ANKRD30B: variants seen among roughly 807,000 people sequenced by gnomAD.
ANKRD30B encodes ankyrin repeat domain 30B.
ANKRD30B carries 144 observed loss-of-function variants against 202.2 expected under a neutral mutation model. The observed-to-expected ratio is 0.71, with a 90% CI of 0.62 to 0.82. The LOEUF (loss-of-function observed/expected upper bound fraction) is 0.82, where lower values mean the gene tolerates loss of function less well. Among genes scored for constraint, ANKRD30B ranks in the 40% least tolerant of loss-of-function variants. The pLI is 0.00. For synonymous variants in ANKRD30B, 508 were observed against 561.3 expected, an observed-to-expected ratio of 0.91 and a Z score of 1.34; for missense variants, 1,487 against 1,669.1, an observed-to-expected ratio of 0.89 and a Z score of 1.90.
At chr18:14,922,064 G>A in the ANKRD30B span, among the ~76,000 whole-genome samples, 1 of 152,210 alleles carries the variant, frequency 6.6e-6, no homozygotes, top group Non-Finnish European at 1.5e-5. Context: ...AGGCATTGAA[G>A]AGGGTAGGAA....
At chr18:14,905,203 G>A in the ANKRD30B span, among the ~76,000 whole-genome samples, 1 of 152,146 alleles carries the variant, frequency 6.6e-6, no homozygotes, top group East Asian at 1.9e-4. Flanking sequence ...ACAAAAATGG[G>A]CAAACAGCAG....
chr18:14,880,753 T>G, the ANKRD30B span, among the ~76,000 whole-genome samples: 8 of 152,036 alleles, frequency 5.3e-5, no homozygotes, highest in Non-Finnish European at 1.0e-4. Flanking sequence ...TCTTTCAGCA[T>G]TGTTTTGTAA....
At chr18:14,793,049 A>T (rs926334790) in intron 16 of ANKRD30B, among the ~76,000 whole-genome samples, 2 of 152,150 alleles carry the variant, frequency 1.3e-5, no homozygotes, top group African/African-American at 4.8e-5. Context: ...ATTGAGGGCT[A>T]ATTAAGTTTG....
At chr18:14,839,497 G>A (rs529890277) in intron 36 of ANKRD30B, among the ~76,000 whole-genome samples, 9 of 152,262 alleles carry the variant, frequency 5.9e-5, no homozygotes, top group South Asian at 4.1e-4. Context: ...CAATGTCATC[G>A]TCATCCTCAT....
rs1967864676 is a variant in ANKRD30B, at chr18:14,783,148, A to G, written c.1570+534A>G. 9.9e-5 allele frequency among the ~76,000 whole-genome samples: 15 copies of G among 152,218 alleles called. No individual in the cohort carries two copies. The South Asian group carries it at 3.1e-3, about 32-fold the overall frequency. ...ATCTGAGCATGCAGAATTGTATTTT[A>G]TTTGCAATAGGTGAGTATTAACAAA... On this transcript the variant is annotated intron_variant, in intron 12 of 43. Coordinates refer to ENST00000690538, the MANE Select transcript of ANKRD30B (RefSeq NM_001367607.2).
intron 7 of ANKRD30B, among the ~76,000 whole-genome samples, chr18:14,766,983 G>A (rs1369470776): frequency 1.3e-5 from 2 of 152,142 alleles, no homozygotes; most frequent in Non-Finnish European, 2.9e-5. Flanking sequence ...TAAGTATACT[G>A]TTGATATGGT....
the ANKRD30B span, among the ~76,000 whole-genome samples, chr18:14,935,131 T>TAG: frequency 3.9e-5 from 6 of 152,150 alleles, no homozygotes; most frequent in African/African-American, 1.4e-4. Context: ...CATGCTAGTC[T>TAG]CATGAATCAG....
chr18:14,847,575 G>A (rs1971701772), intron 39 of ANKRD30B, among the ~76,000 whole-genome samples: 1 of 133,866 alleles, frequency 7.5e-6, no homozygotes, highest in South Asian at 2.4e-4. Context: ...CTGCAGCATT[G>A]TAACTTGTAT....
At chr18:14,904,000 T>A in the ANKRD30B span, among the ~76,000 whole-genome samples, 1 of 152,216 alleles carries the variant, frequency 6.6e-6, no homozygotes, top group Non-Finnish European at 1.5e-5. Context: ...AGAAGGGCTG[T>A]CCAATTGTCA....
intron 24 of ANKRD30B, among the ~76,000 whole-genome samples, chr18:14,806,145 G>C (rs12455325): frequency 1.3e-5 from 2 of 149,364 alleles, no homozygotes; most frequent in African/African-American, 5.0e-5. Context: ...GCCTGAACCC[G>C]GGAGGTGGAG....
the ANKRD30B span, among the ~76,000 whole-genome samples, chr18:14,878,251 C>A: frequency 5.3e-5 from 8 of 152,128 alleles, no homozygotes; most frequent in African/African-American, 1.9e-4. Flanking sequence ...ACATGACGTC[C>A]ATATGGAAAT....
At chr18:14,819,677 A>C (rs2144103977) in intron 30 of ANKRD30B, among the ~76,000 whole-genome samples, 1 of 151,900 alleles carries the variant, frequency 6.6e-6, no homozygotes, top group African/African-American at 2.4e-5. Context: ...AGTTGTAGAT[A>C]TGTGGCGTTA....
intron 7 of ANKRD30B, among the ~76,000 whole-genome samples, chr18:14,766,770 C>T (rs932515369): frequency 1.3e-5 from 2 of 152,028 alleles, no homozygotes; most frequent in African/African-American, 4.8e-5. Context: ...AGAAGAAAGC[C>T]ATTGACAAAA....
At chr18:14,772,342 GA>G (rs1165083405) in intron 9 of ANKRD30B, 114 bp downstream of exon 9, 3 of 575,270 alleles carry the variant, frequency 5.2e-6, no homozygotes, top group Non-Finnish European at 8.0e-6. Flanking sequence ...AAGTTGGTCA[GA>G]TAAAAACATT....
chr18:14,923,440 G>T, the ANKRD30B span, among the ~76,000 whole-genome samples: 1 of 152,170 alleles, frequency 6.6e-6, no homozygotes, highest in Non-Finnish European at 1.5e-5. Context: ...GGAGAGAAGA[G>T]TGAGAAGGAC....
chr18:14,849,265 A>C (rs1025109031), intron 40 of ANKRD30B, among the ~76,000 whole-genome samples: 1 of 151,872 alleles, frequency 6.6e-6, no homozygotes, highest in Non-Finnish European at 1.5e-5. Context: ...CTACCTTTCT[A>C]ATTATTGACT....
the ANKRD30B span, among the ~76,000 whole-genome samples, chr18:14,914,858 G>A: frequency 6.6e-6 from 1 of 152,146 alleles, no homozygotes; most frequent in African/African-American, 2.4e-5. Context: ...TTGGACATAG[G>A]GGTCTGAAGC....
At chr18:14,789,029 T>G (rs1968285291) in intron 15 of ANKRD30B, among the ~76,000 whole-genome samples, 1 of 151,662 alleles carries the variant, frequency 6.6e-6, no homozygotes, top group South Asian at 2.1e-4. Context: ...AAAGTGTTCC[T>G]ATTTCTCCAC....
intron 18 of ANKRD30B, 66 bp downstream of exon 18, chr18:14,796,481 G>A: frequency 6.9e-7 from 1 of 1,459,228 alleles, no homozygotes; most frequent in Non-Finnish European, 9.1e-7. Flanking sequence ...ATGCCGAGAG[G>A]CTTTTATTCC....
Sources: allele counts gnomAD v4.1 joint callset (sites outside exome capture counted in the v4.1 genomes callset), GRCh38; gene constraint gnomAD v4.1.1; transcripts MANE v1.5; gene names NCBI Gene and HGNC (gene_info 2026-07-23, HGNC 2026-07-21).